The following LRRFIP1 variants were observed in gnomAD, a reference collection of about 807,000 sequenced individuals.
LRRFIP1 encodes LRR binding FLII interacting protein 1.
LRRFIP1 carries 62 observed loss-of-function variants against 104.4 expected under a neutral mutation model. That is an observed-to-expected ratio of 0.59 (90% CI 0.48 to 0.73). LRRFIP1 has a LOEUF of 0.73. Ranked by LOEUF, LRRFIP1 falls within the 30% of genes least tolerant of loss-of-function variation. The pLI, the probability that LRRFIP1 is intolerant of heterozygous loss-of-function variation, is 0.00. For missense variants in LRRFIP1, 796 were observed against 824.5 expected (o/e 0.97, Z 0.42); for synonymous variants, 300 against 299.0 (o/e 1.00, Z -0.03).
In LRRFIP1 at chr2:237,703,990, G is replaced by A. The variant is rs939906023; in HGVS notation, c.97-4554G>A. On this transcript the variant is annotated intron_variant, in intron 1 of 23. Coordinates refer to ENST00000308482, the MANE Select transcript of LRRFIP1 (RefSeq NM_001137550.2). This position sits in a 1 kb window ranked among gnomAD's most constrained non-coding sequence, Gnocchi z 4.3. ...TCAGTCGATAAAGGATTTGTCCTGCGCCACCGGAGCACTGGCCTGAGGTGC... is the reference window on the plus strand; with the variant it reads ...TCAGTCGATAAAGGATTTGTCCTGCACCACCGGAGCACTGGCCTGAGGTGC... 5.9e-5 allele frequency among the ~76,000 whole-genome samples: 9 copies of A among 151,832 alleles called. No homozygotes were observed. Among genetic ancestry groups the A allele is most frequent in the African/African-American group, 9.7e-5 (4 of 41,328 alleles).
rs577624062 is a variant in LRRFIP1 at position 237,738,877 on chromosome 2, G to A, written c.556-355G>A. 3.0e-4 allele frequency among the ~76,000 whole-genome samples: 45 copies of A among 152,350 alleles called. No homozygotes were observed. In the South Asian group the frequency reaches 4.1e-3, roughly 14 times the overall value. On this transcript the variant is annotated intron_variant, in intron 10 of 23. Transcript: ENST00000308482. ...TGTGCAAGTCTTCAGTTTCTGTGCC[G>A]GAAGGCAGCTTAAGTTCTCAAAACA...
intron 1 of LRRFIP1, among the ~76,000 whole-genome samples, chr2:237,685,015 T>C (rs531513627): frequency 6.6e-6 from 1 of 151,878 alleles, no homozygotes; most frequent in African/African-American, 2.4e-5. Flanking sequence ...TGAGACAAGG[T>C]TGCAGTGAGC....
chr2:237,712,180 G>C (rs1285735558), intron 2 of LRRFIP1, among the ~76,000 whole-genome samples: 1 of 152,204 alleles, frequency 6.6e-6, no homozygotes, highest in East Asian at 1.9e-4. Context: ...GCCTTAGGGA[G>C]ATACACAGTT....
intron 17 of LRRFIP1, 67 bp downstream of exon 17, chr2:237,757,615 G>C (rs1049153448): frequency 1.6e-6 from 2 of 1,256,462 alleles, no homozygotes. Context: ...AGTTTTTTCA[G>C]AGTCTTTAGT....
rs1191331384 is a variant in LRRFIP1 at position 237,708,462 on chromosome 2, C to G, written c.97-82C>G. On this transcript the variant is annotated intron_variant, in intron 1 of 23. Transcript: ENST00000308482. ...TCTGTTAAACTCTGAACAAGATTTTCTTTCCGCATCATCACTGCTGACCCT... is the reference window on the plus strand; with the variant it reads ...TCTGTTAAACTCTGAACAAGATTTTGTTTCCGCATCATCACTGCTGACCCT... 3 of 1,021,038 alleles carry G rather than the reference C, an allele frequency of 2.9e-6. No individual in the cohort carries two copies. The African/African-American group carries it at 4.9e-5, about 17-fold the overall frequency. 63.2% of individuals were successfully genotyped at this position (1,021,038 alleles called of 1,614,324 possible). A position where few individuals can be genotyped will look rare whatever the true frequency, so the allele number is the denominator to read the frequency against.
At chr2:237,669,023 A>G (rs540110028) in intron 1 of LRRFIP1, among the ~76,000 whole-genome samples, 1 of 152,316 alleles carries the variant, frequency 6.6e-6, no homozygotes, top group South Asian at 2.1e-4. Context: ...AAGGAAAGAA[A>G]TAAGCGTAAC....
At position 237,717,466 on chromosome 2, in the gene LRRFIP1, G is replaced by A. The variant is rs1310410317; in HGVS notation, c.202-296G>A. 1.3e-5 allele frequency among the ~76,000 whole-genome samples: 2 copies of A among 152,210 alleles called. No individual in the cohort carries two copies. The highest frequency in any genetic ancestry group is 4.8e-5 in the African/African-American group (2 of 41,456). ...TGAAGGCTGCTGGGCCGGCTTTACT[G>A]TCCTGCTCTCCCCCGAGGCCCTTCA... On this transcript the variant is annotated intron_variant, in intron 3 of 23. Transcript: ENST00000308482. This position sits in a 1 kb window ranked among gnomAD's most constrained non-coding sequence, Gnocchi z 4.2.
chr2:237,733,937 C>T, intron 9 of LRRFIP1, 119 bp downstream of exon 9: 1 of 1,048,742 alleles, frequency 9.5e-7, no homozygotes, highest in South Asian at 1.3e-5. Flanking sequence ...GTTGCACCTT[C>T]ACGTGGAGCT....
At chr2:237,690,179 G>A (rs2092669498) in intron 1 of LRRFIP1, among the ~76,000 whole-genome samples, 1 of 152,164 alleles carries the variant, frequency 6.6e-6, no homozygotes, top group South Asian at 2.1e-4. Flanking sequence ...TCAGGGACAT[G>A]CCAAGGGAAC....
Position 237,681,713 on chromosome 2 carries a change from T to C in LRRFIP1, c.97-26831T>C, listed in dbSNP as rs551459810. ...TTTTTTTTTTGAGACGGAGTCTCGC[T>C]CTGTCGCCCAGGCTGGAGTGCAGTG... On this transcript the variant is annotated intron_variant, in intron 1 of 23. Coordinates refer to ENST00000308482, the MANE Select transcript of LRRFIP1 (RefSeq NM_001137550.2). Among the ~76,000 whole-genome samples, 115 of 85,368 alleles carry C rather than the reference T, an allele frequency of 1.3e-3. 8 individuals carry two copies. In the East Asian group the frequency reaches 0.037, roughly 27 times the overall value. The allele number at this position is 85,368 out of a possible 152,430, so 56.0% of individuals were successfully genotyped here.
chr2:237,694,788 C>T (rs79709699), intron 1 of LRRFIP1, among the ~76,000 whole-genome samples: 3,171 of 152,302 alleles, frequency 0.021, 97 homozygotes, highest in African/African-American at 0.07. Context: ...GGGTCCGATG[C>T]GGACAGTGGA....
chr2:237,728,164 G>A (rs2094842698), intron 8 of LRRFIP1, among the ~76,000 whole-genome samples: 1 of 152,112 alleles, frequency 6.6e-6, no homozygotes, highest in African/African-American at 2.4e-5. Flanking sequence ...AGTATAAGGG[G>A]TAGATATTGA....
At chr2:237,757,357 C>CG in intron 16 of LRRFIP1, 99 bp from the exon 17 acceptor site, 1 of 709,790 alleles carries the variant, frequency 1.4e-6, no homozygotes. Context: ...AGAGTGCTTG[C>CG]GGCCTCACTC....
chr2:237,764,486 A>G, intron 19 of LRRFIP1: 2 of 1,144,550 alleles, frequency 1.7e-6, no homozygotes, highest in Non-Finnish European at 2.1e-6. Context: ...TTCTTGACCA[A>G]ATATATCAGC....
In LRRFIP1 at chr2:237,735,295, G is replaced by C. The variant is rs773029801; in HGVS notation, c.517G>C (p.Gly173Arg). The change falls in exon 10 of 24, where the codon GGT becomes CGT. Residue 173 changes from glycine to arginine, a missense_variant. Gly to Arg is a moderately radical substitution (Grantham distance 125). Coordinates refer to ENST00000308482, the MANE Select transcript of LRRFIP1 (RefSeq NM_001137550.2). The surrounding 1 kb of genome is among the most constrained non-coding windows in gnomAD (Gnocchi z 4.6). ...GTCTGTGTTGGATGAAGGCAGCTTCGGTGGGACCCGACGGGGCAGCACCTC... is the reference window on the plus strand; with the variant it reads ...GTCTGTGTTGGATGAAGGCAGCTTCCGTGGGACCCGACGGGGCAGCACCTC... ...RASVLDEGSF[G>R]GTRRGSTSGS... 7 of 1,613,372 alleles carry C rather than the reference G, an allele frequency of 4.3e-6. No individual in the cohort carries two copies. The highest frequency in any genetic ancestry group is 1.7e-5 in the Admixed American group (1 of 59,978).
At chr2:237,777,178 T>G (rs967696382) in intron 23 of LRRFIP1, among the ~76,000 whole-genome samples, 1 of 152,234 alleles carries the variant, frequency 6.6e-6, no homozygotes, top group Non-Finnish European at 1.5e-5. Context: ...TGTACACATG[T>G]ACATCCACAC....
At position 237,717,019 on chromosome 2, in the gene LRRFIP1, ATT is replaced by A. The variant is rs571061359; in HGVS notation, c.202-732_202-731del. 8.3e-4 allele frequency among the ~76,000 whole-genome samples: 123 copies of A among 147,542 alleles called. No individual in the cohort carries two copies. Among genetic ancestry groups the A allele is most frequent in the Middle Eastern group, 3.5e-3 (1 of 282 alleles). ...AAAACATTATGAAATTTTTTTTGCAATTTTTTTTTTTTAGCTTATCAGCTATC... is the reference window on the plus strand; with the variant it reads ...AAAACATTATGAAATTTTTTTTGCAATTTTTTTTTTAGCTTATCAGCTATC... On this transcript the variant is annotated intron_variant, in intron 3 of 23. Coordinates refer to ENST00000308482, the MANE Select transcript of LRRFIP1 (RefSeq NM_001137550.2). The surrounding 1 kb of genome is among the most constrained non-coding windows in gnomAD (Gnocchi z 4.2).
intron 1 of LRRFIP1, among the ~76,000 whole-genome samples, chr2:237,688,777 G>C (rs191571620): frequency 1.3e-5 from 2 of 151,826 alleles, no homozygotes; most frequent in Non-Finnish European, 2.9e-5. Flanking sequence ...ACCCTCTTCC[G>C]AGGAAACCCC....
chr2:237,713,734 GATA>G (rs1284844424), intron 2 of LRRFIP1, among the ~76,000 whole-genome samples: 2 of 152,170 alleles, frequency 1.3e-5, no homozygotes, highest in African/African-American at 4.8e-5. Context: ...GTCAATGTAT[GATA>G]ATAACCTCTT....
Sources: gnomAD v4.1 joint callset for allele counts (sites outside exome capture counted in the v4.1 genomes callset) on GRCh38, gnomAD v4.1.1 for gene constraint, Gnocchi (gnomAD v3.1) non-coding constraint, MANE v1.5 for transcripts, NCBI Gene and HGNC (gene_info 2026-07-23, HGNC 2026-07-21) for gene names.